The following SMAD1 variants were observed in gnomAD, a reference collection of about 807,000 sequenced individuals.
SMAD1 encodes MAD, mothers against decapentaplegic homolog 1.
In SMAD1, 6 loss-of-function variants were observed where a neutral mutation model predicts 41.6. The ratio of observed to expected loss-of-function variants is 0.14; its 90% CI spans 0.08 to 0.28. The LOEUF is 0.28. SMAD1 is among the 10% of genes least tolerant of loss of function. The pLI, the probability that SMAD1 is intolerant of heterozygous loss-of-function variation, is 1.00. For synonymous variants in SMAD1, 206 were observed against 203.2 expected, an observed-to-expected ratio of 1.01 and a Z score of -0.12; for missense variants, 379 against 582.6, an observed-to-expected ratio of 0.65 and a Z score of 3.60.
chr4:145,542,391 A>T (rs769482794), intron 3 of SMAD1, among the ~76,000 whole-genome samples, 191 bp from the exon 4 acceptor site: 2 of 152,264 alleles, frequency 1.3e-5, no homozygotes, highest in Non-Finnish European at 2.9e-5. Context: ...ACAAAAATGT[A>T]TATGATTGTG....
rs549137735 is a variant in SMAD1 at position 145,496,665 on chromosome 4, G to A, written c.-177+14627G>A. On this transcript the variant is annotated intron_variant, in intron 1 of 6. Transcript: ENST00000302085. ...TTTTTGTTTATGCACGAGTTCCACAGGGCCCACTGAGACCTGTATGCAAGG... is the reference window on the plus strand; with the variant it reads ...TTTTTGTTTATGCACGAGTTCCACAAGGCCCACTGAGACCTGTATGCAAGG... Among the ~76,000 whole-genome samples, 9 of 152,220 alleles carry A rather than the reference G, an allele frequency of 5.9e-5. No individual in the cohort carries two copies. In the South Asian group the frequency reaches 1.9e-3, roughly 32 times the overall value.
At chr4:145,527,742 G>A (rs961636119) in intron 2 of SMAD1, among the ~76,000 whole-genome samples, 2 of 152,082 alleles carry the variant, frequency 1.3e-5, no homozygotes, top group African/African-American at 4.8e-5. Flanking sequence ...GGGGCATCCA[G>A]AGTTTTTGGT....
At chr4:145,503,919 C>T (rs1052960341) in intron 1 of SMAD1, 2 of 152,262 alleles carry the variant, frequency 1.3e-5, no homozygotes, top group African/African-American at 4.8e-5. Context: ...TGGTTCCCAC[C>T]TTGTGCCCTA....
intron 1 of SMAD1, among the ~76,000 whole-genome samples, chr4:145,505,215 T>C (rs778725216): frequency 1.3e-5 from 2 of 152,206 alleles, no homozygotes; most frequent in African/African-American, 2.4e-5. Context: ...TGTTCCCCTT[T>C]GACCTTTTTT....
intron 2 of SMAD1, chr4:145,516,907 T>G (rs1422767240): frequency 1.3e-5 from 2 of 152,182 alleles, no homozygotes; most frequent in African/African-American, 4.8e-5. Flanking sequence ...GTGCCTTGTG[T>G]TAGAACTAGA....
At position 145,514,549 on chromosome 4, in the gene SMAD1, GTCCT is replaced by G; in HGVS notation, c.-63_-60del. The G allele has an allele frequency of 1.4e-6, 2 of 1,417,800 alleles. No homozygotes were observed. Among genetic ancestry groups the G allele is most frequent in the Non-Finnish European group, 9.6e-7 (1 of 1,045,782 alleles). 87.8% of individuals were successfully genotyped at this position (1,417,800 alleles called of 1,614,324 possible). The stretch of plus-strand genomic sequence containing the variant: ...TGTAAATAAACAAATCTCTTCTGCT[GTCCT>G]TTTGCATTTGGAGACAGCTTTATTT... On this transcript the variant is annotated 5_prime_UTR_variant, in exon 2 of 7. Coordinates refer to ENST00000302085, the MANE Select transcript of SMAD1 (RefSeq NM_005900.3). The surrounding 1 kb of genome is among the most constrained non-coding windows in gnomAD (Gnocchi z 4.7).
chr4:145,507,993 G>A (rs1729880734), intron 1 of SMAD1, among the ~76,000 whole-genome samples: 1 of 151,510 alleles, frequency 6.6e-6, no homozygotes, highest in African/African-American at 2.4e-5. Flanking sequence ...GCAAAGTGCT[G>A]TGATCTTTCA....
At chr4:145,486,554 C>G (rs1728489344) in intron 1 of SMAD1, among the ~76,000 whole-genome samples, 1 of 152,160 alleles carries the variant, frequency 6.6e-6, no homozygotes, top group Non-Finnish European at 1.5e-5. Context: ...CTTGTATCTT[C>G]TTATTCCCAC....
chr4:145,552,229 C>A (rs755906488), intron 5 of SMAD1, among the ~76,000 whole-genome samples: 24 of 152,160 alleles, frequency 1.6e-4, no homozygotes, highest in South Asian at 4.1e-4. Context: ...AAATTGTTTT[C>A]TCTATATCAG....
chr4:145,546,665 C>G (rs775588304), intron 4 of SMAD1, 38 bp from the exon 5 acceptor site: 1 of 1,456,462 alleles, frequency 6.9e-7, no homozygotes, highest in South Asian at 1.1e-5. Context: ...GAGCCTGAGG[C>G]ACTAACCTTG....
At position 145,552,291 on chromosome 4, in the gene SMAD1, C is replaced by T. The variant is rs572171915; in HGVS notation, c.998-1493C>T. ...CAGCTATTTAATTATTACAGAAATC[C>T]TAACCGCTGTGTATACATATAAACA... On this transcript the variant is annotated intron_variant, in intron 5 of 6. Coordinates refer to ENST00000302085, the MANE Select transcript of SMAD1 (RefSeq NM_005900.3). Among the ~76,000 whole-genome samples the T allele has an allele frequency of 1.5e-4, 23 of 152,284 alleles. No homozygotes were observed. In the East Asian group the frequency reaches 4.2e-3, roughly 28 times the overall value.
intron 2 of SMAD1, among the ~76,000 whole-genome samples, chr4:145,535,987 A>G (rs1731590931): frequency 6.6e-6 from 1 of 151,096 alleles, no homozygotes. Context: ...AGTATACCAA[A>G]AAAAAAAAAA....
chr4:145,529,738 T>C (rs1731222280), intron 2 of SMAD1, among the ~76,000 whole-genome samples: 1 of 152,200 alleles, frequency 6.6e-6, no homozygotes, highest in Admixed American at 6.5e-5. Context: ...GAAATTTGAC[T>C]TAAGATGAGA....
intron 1 of SMAD1, among the ~76,000 whole-genome samples, chr4:145,493,749 A>G (rs912960323): frequency 6.6e-6 from 1 of 152,186 alleles, no homozygotes; most frequent in African/African-American, 2.4e-5. Flanking sequence ...CAAGTATTTC[A>G]TGCATTCCTG....
At chr4:145,524,376 T>C (rs1416606788) in intron 2 of SMAD1, among the ~76,000 whole-genome samples, 1 of 152,172 alleles carries the variant, frequency 6.6e-6, no homozygotes, top group Non-Finnish European at 1.5e-5. Context: ...GGCATTTGTT[T>C]TGGGTTATTA....
At position 145,558,454 on chromosome 4, in the gene SMAD1, T is replaced by C. The variant is rs572098810; in HGVS notation, c.*520T>C. Reference sequence around the variant, plus strand: ...TAAGTAAAGGTTAATCTTGATGATATACATAATAATCTTTCTAAAATTGTA... The same window carrying C: ...TAAGTAAAGGTTAATCTTGATGATACACATAATAATCTTTCTAAAATTGTA... On this transcript the variant is annotated 3_prime_UTR_variant, in exon 7 of 7. Transcript: ENST00000302085. Among the ~76,000 whole-genome samples, 1 of 152,354 alleles carries C rather than the reference T, an allele frequency of 6.6e-6. No homozygotes were observed. Among genetic ancestry groups the C allele is most frequent in the Admixed American group, 6.5e-5 (1 of 15,300 alleles).
At chr4:145,499,944 C>T (rs968348192) in intron 1 of SMAD1, among the ~76,000 whole-genome samples, 6 of 152,148 alleles carry the variant, frequency 3.9e-5, no homozygotes, top group Non-Finnish European at 7.4e-5. Flanking sequence ...AAAAAAATCT[C>T]GCTCAGTCTT....
chr4:145,495,949 T>G (rs1729049517), intron 1 of SMAD1, among the ~76,000 whole-genome samples: 1 of 152,130 alleles, frequency 6.6e-6, no homozygotes, highest in African/African-American at 2.4e-5. Flanking sequence ...AATTTTAGTG[T>G]TCTACAGATT....
intron 1 of SMAD1, among the ~76,000 whole-genome samples, chr4:145,506,275 G>T (rs1224950118): frequency 6.6e-6 from 1 of 152,190 alleles, no homozygotes; most frequent in Non-Finnish European, 1.5e-5. Flanking sequence ...TTTGTGCCAT[G>T]ATTTTTTACT....
Sources: allele counts gnomAD v4.1 joint callset (sites outside exome capture counted in the v4.1 genomes callset), GRCh38; gene constraint gnomAD v4.1.1; non-coding constraint Gnocchi (gnomAD v3.1); transcripts MANE v1.5; gene names NCBI Gene and HGNC (gene_info 2026-07-23, HGNC 2026-07-21).